The following SPOCK3 variants were observed in gnomAD, a reference collection of about 807,000 sequenced individuals.
SPOCK3 encodes the protein SPARC (osteonectin), cwcv and kazal like domains proteoglycan 3.
In SPOCK3, 30 loss-of-function variants were observed where a neutral mutation model predicts 56.6. The ratio of observed to expected loss-of-function variants is 0.53; its 90% confidence interval spans 0.40 to 0.72. SPOCK3 has a LOEUF of 0.72. Among genes scored for constraint, SPOCK3 ranks in the 30% least tolerant of loss-of-function variants. The pLI, the probability that SPOCK3 is intolerant of heterozygous loss-of-function variation, is 0.00. For missense variants in SPOCK3, 527 were observed against 530.0 expected (o/e 0.99, Z 0.06); for synonymous variants, 196 against 183.3 (o/e 1.07, Z -0.56).
intron 4 of SPOCK3, among the ~76,000 whole-genome samples, chr4:166,946,677 AC>A (rs1741795016): frequency 6.6e-6 from 1 of 151,696 alleles, no homozygotes; most frequent in African/African-American, 2.4e-5. Context: ...CTCTTCCCCT[AC>A]TCTACATTTT....
At chr4:166,969,012 T>G (rs1579840717) in intron 4 of SPOCK3, among the ~76,000 whole-genome samples, 1 of 152,302 alleles carries the variant, frequency 6.6e-6, no homozygotes, top group Non-Finnish European at 1.5e-5. Context: ...ATTTCAAGGC[T>G]TAAAGATTTA....
At chr4:166,965,713 T>A (rs1169451708) in intron 4 of SPOCK3, among the ~76,000 whole-genome samples, 2 of 152,060 alleles carry the variant, frequency 1.3e-5, no homozygotes, top group Non-Finnish European at 2.9e-5. Context: ...TTTAGATTCA[T>A]ATCAATATTG....
chr4:167,188,821 A>C (rs1204130232), intron 2 of SPOCK3, among the ~76,000 whole-genome samples: 4 of 146,370 alleles, frequency 2.7e-5, no homozygotes, highest in Non-Finnish European at 6.0e-5. Flanking sequence ...TATTAGAACT[A>C]TTTGCCAATA....
intron 4 of SPOCK3, among the ~76,000 whole-genome samples, chr4:166,939,471 TTG>T (rs1465499192): frequency 3.9e-5 from 6 of 152,016 alleles, no homozygotes; most frequent in Admixed American, 3.9e-4. Context: ...GTGGGAAGAA[TTG>T]TGAATTTTAA....
At chr4:167,013,140 T>A (rs1750254123) in intron 3 of SPOCK3, among the ~76,000 whole-genome samples, 2 of 152,032 alleles carry the variant, frequency 1.3e-5, no homozygotes, top group African/African-American at 4.8e-5. Context: ...CAGATTTTGA[T>A]GCATTGCAGG....
chr4:166,806,093 T>A (rs2126707254), intron 6 of SPOCK3, among the ~76,000 whole-genome samples: 1 of 152,218 alleles, frequency 6.6e-6, no homozygotes, highest in Non-Finnish European at 1.5e-5. Flanking sequence ...AATTATGTGA[T>A]ATTGTTAAAA....
At chr4:166,815,269 A>G (rs1366061368) in intron 6 of SPOCK3, among the ~76,000 whole-genome samples, 1 of 121,008 alleles carries the variant, frequency 8.3e-6, no homozygotes, top group African/African-American at 4.3e-5. Flanking sequence ...TCAACTAATT[A>G]GTAAAAAAAA....
intron 2 of SPOCK3, among the ~76,000 whole-genome samples, chr4:167,172,262 C>A (rs1462741734): frequency 6.6e-6 from 1 of 152,182 alleles, no homozygotes; most frequent in Non-Finnish European, 1.5e-5. Flanking sequence ...ATCAAAATTT[C>A]TTCACAAAGT....
At chr4:167,228,305 T>C (rs1011421075) in intron 2 of SPOCK3, among the ~76,000 whole-genome samples, 1 of 152,166 alleles carries the variant, frequency 6.6e-6, no homozygotes, top group African/African-American at 2.4e-5. Flanking sequence ...ACAACATACA[T>C]AGAGTAATTT....
chr4:166,917,820 A>G (rs994198017), intron 4 of SPOCK3, among the ~76,000 whole-genome samples: 1 of 152,050 alleles, frequency 6.6e-6, no homozygotes, highest in Admixed American at 6.6e-5. Context: ...TTTCCTTTAC[A>G]TATTACCCAG....
At chr4:166,938,732 A>C (rs1740731324) in intron 4 of SPOCK3, among the ~76,000 whole-genome samples, 2 of 152,098 alleles carry the variant, frequency 1.3e-5, no homozygotes, top group South Asian at 4.1e-4. Flanking sequence ...ATACAACATA[A>C]CATACTACCA....
At position 167,000,371 on chromosome 4, in the gene SPOCK3, T is replaced by A. The variant is rs1363163842; in HGVS notation, c.328A>T (p.Ser110Cys). 1.3e-6 allele frequency: 2 copies of A among 1,588,902 alleles called. No individual in the cohort carries two copies. Among genetic ancestry groups the A allele is most frequent in the Non-Finnish European group, 1.7e-6 (2 of 1,162,358 alleles). Residue 110 changes from serine (S) to cysteine (C), a missense_variant, in exon 4 of 11, where the codon AGT (serine) becomes TGT (cysteine). By Grantham distance (112) the Ser-to-Cys change is moderately radical. Transcript: ENST00000357545. Reference protein sequence around the residue: ...AQDSQTAVCISHRRLTHRMKE... With the variant: ...AQDSQTAVCICHRRLTHRMKE... Reference sequence around the variant, plus strand: ...TACCTGTGTGTAAGCCTCCGGTGACTAATGCAGACTGCAGTCTGAGAATCT... The same window carrying A: ...TACCTGTGTGTAAGCCTCCGGTGACAAATGCAGACTGCAGTCTGAGAATCT...
intron 8 of SPOCK3, among the ~76,000 whole-genome samples, chr4:166,747,157 C>T (rs1018405997): frequency 1.3e-5 from 2 of 152,106 alleles, no homozygotes; most frequent in African/African-American, 4.8e-5. Flanking sequence ...ATCCTGATAC[C>T]AAAGCCTGGC....
chr4:166,802,805 A>G (rs76945534), intron 6 of SPOCK3, among the ~76,000 whole-genome samples: 4 of 151,916 alleles, frequency 2.6e-5, no homozygotes, highest in African/African-American at 7.3e-5. Context: ...ACACACATAC[A>G]TATGTGTGTG....
intron 6 of SPOCK3, among the ~76,000 whole-genome samples, chr4:166,826,073 T>C (rs920851382): frequency 6.6e-6 from 1 of 152,018 alleles, no homozygotes; most frequent in South Asian, 2.1e-4. Context: ...ATAGTAGAGT[T>C]GTAAGATCCA....
intron 2 of SPOCK3, among the ~76,000 whole-genome samples, chr4:167,145,641 TG>T (rs1239406826): frequency 1.3e-5 from 2 of 152,106 alleles, no homozygotes; most frequent in Non-Finnish European, 2.9e-5. Context: ...AAGAAAGATC[TG>T]GGGGCCAATA....
chr4:166,746,379 T>C (rs1189184181), intron 8 of SPOCK3, among the ~76,000 whole-genome samples: 3 of 152,172 alleles, frequency 2.0e-5, no homozygotes, highest in Non-Finnish European at 4.4e-5. Flanking sequence ...AACAACCTGC[T>C]CCTTACTGGG....
At chr4:166,859,819 T>C (rs1193326785) in intron 6 of SPOCK3, among the ~76,000 whole-genome samples, 1 of 152,122 alleles carries the variant, frequency 6.6e-6, no homozygotes, top group African/African-American at 2.4e-5. Context: ...GGCACCACAT[T>C]TGAAAATAAC....
chr4:167,002,106 C>T (rs570388304), intron 3 of SPOCK3, among the ~76,000 whole-genome samples: 1 of 151,938 alleles, frequency 6.6e-6, no homozygotes, highest in African/African-American at 2.4e-5. Flanking sequence ...CTACAGGCGC[C>T]CACCACCATG....
Sources: gnomAD v4.1 joint callset for allele counts (sites outside exome capture counted in the v4.1 genomes callset) on GRCh38, gnomAD v4.1.1 for gene constraint, MANE v1.5 for transcripts, NCBI Gene and HGNC (gene_info 2026-07-23, HGNC 2026-07-21) for gene names.